The following DOCK2 variants were observed in gnomAD, a reference collection of about 807,000 sequenced individuals.
DOCK2 encodes dedicator of cytokinesis 2, also known as dedicator of cytokinesis protein 2.
DOCK2 carries 87 observed loss-of-function variants against 248.9 expected under a neutral mutation model. That is an observed-to-expected ratio of 0.35 (90% CI 0.29 to 0.42). DOCK2 has a LOEUF of 0.42. Among genes scored for constraint, DOCK2 ranks in the 10% least tolerant of loss-of-function variants. The probability of loss-of-function intolerance (pLI) is 1.00; values close to 1 mark genes in which losing one functional copy is unlikely to be tolerated. For missense variants in DOCK2, 1,747 were observed against 2,300.2 expected, an observed-to-expected ratio of 0.76 and a Z score of 4.92; for synonymous variants, 805 against 821.6, an observed-to-expected ratio of 0.98 and a Z score of 0.35.
intron 47 of DOCK2, among the ~76,000 whole-genome samples, chr5:170,076,353 G>C (rs774127381): frequency 3.9e-5 from 6 of 152,190 alleles, no homozygotes; most frequent in Non-Finnish European, 8.8e-5. Context: ...AAGCTACACT[G>C]ATGCAGCATC....
At chr5:169,640,994 G>A (rs543855554) in intron 1 of DOCK2, among the ~76,000 whole-genome samples, 6 of 152,186 alleles carry the variant, frequency 3.9e-5, no homozygotes, top group Non-Finnish European at 8.8e-5. Flanking sequence ...TCTGTTCCAG[G>A]TGTCTCCCCC....
chr5:169,861,547 A>G (rs1034433596), intron 27 of DOCK2, among the ~76,000 whole-genome samples: 7 of 152,244 alleles, frequency 4.6e-5, no homozygotes, highest in Non-Finnish European at 1.0e-4. Context: ...ATTTTATAAA[A>G]GTAATTTTTG....
chr5:169,684,916 T>C (rs1759875318), intron 8 of DOCK2, among the ~76,000 whole-genome samples: 1 of 152,226 alleles, frequency 6.6e-6, no homozygotes, highest in Admixed American at 6.5e-5. Flanking sequence ...CCCAAAGTGC[T>C]GGGATTATAG....
intron 6 of DOCK2, among the ~76,000 whole-genome samples, chr5:169,681,013 T>C (rs2113350588): frequency 6.6e-6 from 1 of 151,892 alleles, no homozygotes; most frequent in East Asian, 1.9e-4. Flanking sequence ...AAATATATTA[T>C]TAAACATAGC....
intron 2 of DOCK2, among the ~76,000 whole-genome samples, chr5:169,664,632 T>C (rs752368070): frequency 1.1e-4 from 17 of 152,148 alleles, no homozygotes; most frequent in Admixed American, 3.3e-4. Flanking sequence ...AGGCACATCT[T>C]ACATGGCAGC....
At chr5:169,751,487 G>A (rs552626789) in intron 23 of DOCK2, among the ~76,000 whole-genome samples, 57 of 152,280 alleles carry the variant, frequency 3.7e-4, no homozygotes, top group Non-Finnish European at 5.4e-4. Context: ...ATGAATGCCC[G>A]TGGTTGATGT....
At position 169,685,418 on chromosome 5, in the gene DOCK2, C is replaced by A. The variant is rs546263232; in HGVS notation, c.761+1068C>A. 3.9e-5 allele frequency among the ~76,000 whole-genome samples: 6 copies of A among 152,314 alleles called. No individual in the cohort carries two copies. In the South Asian group the frequency reaches 1.2e-3, roughly 32 times the overall value. On this transcript the variant is annotated intron_variant, in intron 8 of 51. Coordinates refer to ENST00000520908, the MANE Select transcript of DOCK2 (RefSeq NM_004946.3). ...TTGTGGCTTAGACCATCCTTCCTCT[C>A]AGGCGACCACTGCCTGTCTCCTCCA...
intron 25 of DOCK2, among the ~76,000 whole-genome samples, chr5:169,772,771 G>A (rs1765162063): frequency 6.6e-6 from 1 of 152,136 alleles, no homozygotes; most frequent in African/African-American, 2.4e-5. Context: ...CCAATACTGT[G>A]TTGAGAAGTA....
intron 32 of DOCK2, among the ~76,000 whole-genome samples, chr5:170,011,866 T>C (rs961208002): frequency 6.6e-6 from 1 of 152,232 alleles, no homozygotes; most frequent in South Asian, 2.1e-4. Context: ...AGTAGCCATC[T>C]TAAAGCCATG....
intron 27 of DOCK2, among the ~76,000 whole-genome samples, chr5:169,928,871 C>T (rs1479075270): frequency 6.6e-6 from 1 of 152,196 alleles, no homozygotes; most frequent in African/African-American, 2.4e-5. Flanking sequence ...ACATGATGCT[C>T]ACTCTATGCC....
At position 169,985,925 on chromosome 5, in the gene DOCK2, G is replaced by C; in HGVS notation, c.2993+3G>C. 1 of 1,602,170 alleles carries C rather than the reference G, an allele frequency of 6.2e-7. No individual in the cohort carries two copies. Among genetic ancestry groups the C allele is most frequent in the Non-Finnish European group, 8.5e-7 (1 of 1,172,896 alleles). On this transcript the variant is annotated splice_donor_region_variant and intron_variant, in intron 29 of 51. Coordinates refer to ENST00000520908, the MANE Select transcript of DOCK2 (RefSeq NM_004946.3). ...GCCATGAGCATGGTTCAAAACAGGT[G>C]AGCTGCTACCTGCTTCCGCAAAGCT...
intron 27 of DOCK2, among the ~76,000 whole-genome samples, chr5:169,854,835 T>A (rs1423354053): frequency 6.6e-6 from 1 of 152,222 alleles, no homozygotes; most frequent in South Asian, 2.1e-4. Context: ...CTGGTGGAGA[T>A]GAGCATGAGA....
At chr5:169,712,427 A>G (rs1261192253) in intron 17 of DOCK2, among the ~76,000 whole-genome samples, 1 of 152,222 alleles carries the variant, frequency 6.6e-6, no homozygotes, top group Non-Finnish European at 1.5e-5. Flanking sequence ...TGTGAAAATT[A>G]TGAGACAGTG....
chr5:170,032,314 C>A (rs529472904), intron 34 of DOCK2, among the ~76,000 whole-genome samples: 1 of 152,316 alleles, frequency 6.6e-6, no homozygotes, highest in South Asian at 2.1e-4. Flanking sequence ...GTGTGAGCCA[C>A]CGCGCCTGGC....
rs767715403 is a variant in DOCK2 at position 170,027,928 on chromosome 5, C to T, written c.3447C>T (p.Tyr1149=). 7 of 1,613,304 alleles carry T rather than the reference C, an allele frequency of 4.3e-6. No individual in the cohort carries two copies. The Admixed American group carries it at 1.2e-4, about 27-fold the overall frequency. ...EVEGGRGDEQ[Y]MQLLESILME... ...AAGGGGGCCGAGGCGACGAGCAGTA[C>T]ATGCAGCTCCTGGAGTCAATGTAAG... is the stretch of plus-strand genomic sequence containing the variant. The change falls in exon 34 of 52, where the codon TAC becomes TAT. Residue 1149 remains tyrosine, a synonymous_variant. Coordinates refer to ENST00000520908, the MANE Select transcript of DOCK2 (RefSeq NM_004946.3).
At chr5:169,702,816 G>A (rs1220135878) in intron 14 of DOCK2, among the ~76,000 whole-genome samples, 1 of 152,020 alleles carries the variant, frequency 6.6e-6, no homozygotes, top group African/African-American at 2.4e-5. Flanking sequence ...GTAAGAAAGA[G>A]GATCAATACA....
At chr5:169,705,593 G>A (rs1022998038) in intron 14 of DOCK2, among the ~76,000 whole-genome samples, 2 of 152,212 alleles carry the variant, frequency 1.3e-5, no homozygotes, top group African/African-American at 4.8e-5. Context: ...AATATCAGAT[G>A]AGGTAATCTA....
At chr5:170,025,139 A>G (rs1755858858) in intron 33 of DOCK2, among the ~76,000 whole-genome samples, 1 of 152,260 alleles carries the variant, frequency 6.6e-6, no homozygotes, top group Admixed American at 6.5e-5. Context: ...ACTTAATGTT[A>G]GGCACTTTGC....
intron 22 of DOCK2, among the ~76,000 whole-genome samples, chr5:169,733,496 A>G (rs1320832435): frequency 6.6e-6 from 1 of 151,926 alleles, no homozygotes; most frequent in East Asian, 1.9e-4. Context: ...CTTAAAAATG[A>G]TTAAGATGGT....
Sources: gnomAD v4.1 joint callset for allele counts (sites outside exome capture counted in the v4.1 genomes callset) on GRCh38, gnomAD v4.1.1 for gene constraint, MANE v1.5 for transcripts, NCBI Gene and HGNC (gene_info 2026-07-23, HGNC 2026-07-21) for gene names.